The following ATOX1 variants were observed in gnomAD, a reference collection of about 807,000 sequenced individuals.
ATOX1 encodes antioxidant 1 copper chaperone.
In ATOX1, 4 loss-of-function variants were observed where a neutral mutation model predicts 7.3. That is an observed-to-expected ratio of 0.55 (90% CI 0.27 to 1.25). The LOEUF is 1.25. Ranked by LOEUF, ATOX1 falls within the 50% of genes most tolerant of loss-of-function variation. The pLI, the probability that ATOX1 is intolerant of heterozygous loss-of-function variation, is 0.12. For missense variants in ATOX1, 68 were observed against 81.6 expected (o/e 0.83, Z 0.64); for synonymous variants, 25 against 28.7 (o/e 0.87, Z 0.41).
At chr5:151,746,139 C>T in intron 3 of ATOX1, 140 bp downstream of exon 3, 1 of 701,782 alleles carries the variant, frequency 1.4e-6, no homozygotes, top group Non-Finnish European at 2.2e-6. Flanking sequence ...TTTGTAACCA[C>T]TCCAAAGAAG....
Position 151,746,275 on chromosome 5 carries a change from C to T in ATOX1, c.*46+4G>A, listed in dbSNP as rs1391999913. 6.2e-7 allele frequency: 1 copy of T among 1,606,852 alleles called. No individual in the cohort carries two copies. The highest frequency in any genetic ancestry group is 1.1e-5 in the South Asian group (1 of 90,368). On this transcript the variant is annotated splice_donor_region_variant and intron_variant, in intron 3 of 3. Transcript: ENST00000313115. ...TGTTCAGCAAGTGCTGGGGCCTTAC[C>T]CACCTGCCCCCTTTGGTCCATCCTG...
Position 151,750,644 on chromosome 5 carries a change from CTTT to C in ATOX1, c.82+1057_82+1059del, listed in dbSNP as rs34586233. Among the ~76,000 whole-genome samples, 899 of 100,288 alleles carry C rather than the reference CTTT, an allele frequency of 9.0e-3. 9 individuals carry two copies. The highest frequency in any genetic ancestry group is 0.032 in the African/African-American group (853 of 26,310). The allele number at this position is 100,288 out of a possible 152,430, so 65.8% of individuals were successfully genotyped here. Reference sequence around the variant, plus strand: ...TTTTAAATCTTTCCTTTTTTTCTTTCTTTTTTTTTTTTTTTTTTTGGAGACAGG... The same window carrying C: ...TTTTAAATCTTTCCTTTTTTTCTTTCTTTTTTTTTTTTTTTTGGAGACAGG... On this transcript the variant is annotated intron_variant, in intron 2 of 3. Transcript: ENST00000313115.
intron 1 of ATOX1, among the ~76,000 whole-genome samples, chr5:151,754,321 T>G (rs2113185460): frequency 6.6e-6 from 1 of 152,292 alleles, no homozygotes; most frequent in East Asian, 1.9e-4. Context: ...TTAAAAAGTT[T>G]TTTTAGGCTG....
At position 151,758,620 on chromosome 5, in the gene ATOX1, G is replaced by T; in HGVS notation, c.-69C>A. ...AGCAGCGCCTCTCTGGATTCGGAGG[G>T]CGGGTTCGGCTGCGCTTCCGAGAGT... On this transcript the variant is annotated 5_prime_UTR_variant, in exon 1 of 4. Coordinates refer to ENST00000313115, the MANE Select transcript of ATOX1 (RefSeq NM_004045.4). 7.4e-7 allele frequency: 1 copy of T among 1,355,286 alleles called. No homozygotes were observed. The highest frequency in any genetic ancestry group is 9.6e-7 in the Non-Finnish European group (1 of 1,044,344). 84.0% of individuals were successfully genotyped at this position (1,355,286 alleles called of 1,614,324 possible).
chr5:151,743,547 A>G (rs1761845845), intron 3 of ATOX1: 1 of 152,242 alleles, frequency 6.6e-6, no homozygotes, highest in East Asian at 1.9e-4. Flanking sequence ...TTTCCAAACA[A>G]TACATGGTTA....
At chr5:151,750,989 G>C (rs1459709937) in intron 2 of ATOX1, among the ~76,000 whole-genome samples, 2 of 151,760 alleles carry the variant, frequency 1.3e-5, no homozygotes, top group Admixed American at 1.3e-4. Flanking sequence ...GCGTAGGGTG[G>C]CTCGCGCCTG....
At chr5:151,744,552 G>A (rs191877293) in intron 3 of ATOX1, 2 of 152,070 alleles carry the variant, frequency 1.3e-5, no homozygotes, top group Non-Finnish European at 2.9e-5. Flanking sequence ...AAAAAAGTTC[G>A]TATGCCCAGG....
intron 2 of ATOX1, among the ~76,000 whole-genome samples, chr5:151,747,930 G>A (rs891930561): frequency 1.3e-5 from 2 of 152,094 alleles, no homozygotes; most frequent in Non-Finnish European, 2.9e-5. Context: ...CAGTGTGGAC[G>A]TACCACACAT....
In ATOX1 at chr5:151,751,690, G is replaced by A. The variant is rs1046943103; in HGVS notation, c.82+14C>T. 3.8e-6 allele frequency: 6 copies of A among 1,597,512 alleles called. No individual in the cohort carries two copies. Among genetic ancestry groups the A allele is most frequent in the Admixed American group, 3.5e-5 (2 of 57,520 alleles). The stretch of plus-strand genomic sequence containing the variant: ...CATGGCATAAGTGCACCCAACTCAG[G>A]GCCACTCACTCACCTCCAAGCTTAT... On this transcript the variant is annotated intron_variant, in intron 2 of 3. Coordinates refer to ENST00000313115, the MANE Select transcript of ATOX1 (RefSeq NM_004045.4).
chr5:151,746,509 AG>A, intron 2 of ATOX1, 60 bp from the exon 3 acceptor site: 1 of 1,603,912 alleles, frequency 6.2e-7, no homozygotes, highest in Non-Finnish European at 8.5e-7. Flanking sequence ...AGTTACAGCA[AG>A]AAAGAGTTCA....
chr5:151,756,922 T>A (rs1014666497), intron 1 of ATOX1, among the ~76,000 whole-genome samples: 1 of 152,232 alleles, frequency 6.6e-6, no homozygotes, highest in African/African-American at 2.4e-5. Context: ...TCAAAGTTTT[T>A]GTCCCTATCT....
intron 1 of ATOX1, among the ~76,000 whole-genome samples, chr5:151,754,447 T>A (rs928118299): frequency 7.9e-5 from 12 of 151,878 alleles, no homozygotes; most frequent in African/African-American, 2.9e-4. Flanking sequence ...GTTTCTCTAC[T>A]AAAAATAGAA....
chr5:151,750,390 C>G (rs926088499), intron 2 of ATOX1, among the ~76,000 whole-genome samples: 1 of 151,612 alleles, frequency 6.6e-6, no homozygotes, highest in Non-Finnish European at 1.5e-5. Context: ...AAATCCATAT[C>G]TATGAAAAGT....
rs1325145861 is a variant in ATOX1 at position 151,746,132 on chromosome 5, G to A, written c.*46+147C>T. On this transcript the variant is annotated intron_variant, in intron 3 of 3. Transcript: ENST00000313115. ...TGCATTAGACAATAATAAAATATTT[G>A]TAACCACTCCAAAGAAGGTGGACAG... The A allele has an allele frequency of 2.3e-5, 15 of 645,990 alleles. No homozygotes were observed. The Admixed American group carries it at 4.8e-4, about 20-fold the overall frequency. 40.0% of individuals were successfully genotyped at this position (645,990 alleles called of 1,614,324 possible). A position where few individuals can be genotyped will look rare whatever the true frequency, so the allele number is the denominator to read the frequency against.
intron 3 of ATOX1, chr5:151,744,301 G>C (rs985822151): frequency 8.5e-5 from 13 of 152,124 alleles, no homozygotes; most frequent in African/African-American, 3.1e-4. Flanking sequence ...TTTATGCCTA[G>C]TGTTCCATTA....
chr5:151,749,652 C>T (rs544383051), intron 2 of ATOX1, among the ~76,000 whole-genome samples: 1 of 145,048 alleles, frequency 6.9e-6, no homozygotes, highest in South Asian at 2.2e-4. Flanking sequence ...AAAGAGCAAA[C>T]TCCATCTCCA....
At chr5:151,752,658 A>G (rs1296407570) in intron 1 of ATOX1, among the ~76,000 whole-genome samples, 2 of 152,192 alleles carry the variant, frequency 1.3e-5, no homozygotes, top group East Asian at 3.8e-4. Context: ...GATTACTTAT[A>G]CCAATACTTT....
At position 151,746,682 on chromosome 5, in the gene ATOX1, A is replaced by G. The variant is rs1363503489; in HGVS notation, c.83-233T>C. 34 of 414,392 alleles carry G rather than the reference A, an allele frequency of 8.2e-5. No homozygotes were observed. The East Asian group carries it at 1.7e-3, about 21-fold the overall frequency. 25.7% of individuals were successfully genotyped at this position (414,392 alleles called of 1,614,324 possible). On this transcript the variant is annotated intron_variant, in intron 2 of 3. Coordinates refer to ENST00000313115, the MANE Select transcript of ATOX1 (RefSeq NM_004045.4). The stretch of plus-strand genomic sequence containing the variant: ...TATTTTTTTTATAACTCTATTCCTG[A>G]ACATACAAAAACAGGCTGTGAGCAG...
In ATOX1 at chr5:151,746,330, C is replaced by G; in HGVS notation, c.202G>C (p.Glu68Gln). ...TGKTVSYLGL[E>Q] ...CTGTGGGGACCAGGCCCCTGCTACT[C>G]AAGGCCAAGGTAGGAAACAGTCTTT... Residue 68 changes from glutamate (E) to glutamine (Q), a missense_variant, in exon 3 of 4, where the codon GAG becomes CAG. Coordinates refer to ENST00000313115, the MANE Select transcript of ATOX1 (RefSeq NM_004045.4). The G allele has an allele frequency of 6.2e-7, 1 of 1,613,402 alleles. No homozygotes were observed. Among genetic ancestry groups the G allele is most frequent in the Non-Finnish European group, 8.5e-7 (1 of 1,179,670 alleles).
Sources: allele counts gnomAD v4.1 joint callset (sites outside exome capture counted in the v4.1 genomes callset), GRCh38; gene constraint gnomAD v4.1.1; transcripts MANE v1.5; gene names NCBI Gene and HGNC (gene_info 2026-07-23, HGNC 2026-07-21).